UGT2B17: variants seen among roughly 807,000 people sequenced by gnomAD.
The protein encoded by UGT2B17 is UDP-glucuronosyltransferase 2B17.
UGT2B17 carries 21 observed loss-of-function variants against 48.2 expected under a neutral mutation model. The observed-to-expected ratio is 0.44, with a 90% confidence interval of 0.31 to 0.63. The LOEUF (loss-of-function observed/expected upper bound fraction) is 0.63, where lower values mean the gene tolerates loss of function less well. Among genes scored for constraint, UGT2B17 ranks in the 20% least tolerant of loss-of-function variants. The pLI is 0.08. For synonymous variants in UGT2B17, 146 were observed against 238.4 expected (o/e 0.61, Z 3.57); for missense variants, 402 against 696.1 (o/e 0.58, Z 4.75).
chr4:68,566,445 G>C (rs1731203488), intron 2 of UGT2B17, among the ~76,000 whole-genome samples: 1 of 120,124 alleles, frequency 8.3e-6, no homozygotes, highest in African/African-American at 2.9e-5. Flanking sequence ...GTCGAGGGAG[G>C]GACCCAGTGG....
At chr4:68,571,048 G>A (rs1731289801) in intron 1 of UGT2B17, among the ~76,000 whole-genome samples, 1 of 125,700 alleles carries the variant, frequency 8.0e-6, no homozygotes, top group Non-Finnish European at 1.7e-5. Context: ...GGGCAAGAAC[G>A]GTCAAGGCTT....
In UGT2B17 at chr4:68,568,602, C is replaced by T. The variant is rs115452862; in HGVS notation, c.-64-54G>A. The T allele has an allele frequency of 7.8e-3, 8,817 of 1,136,350 alleles. 1,988 individuals are homozygous for T. In the African/African-American group the frequency reaches 0.13, roughly 17 times the overall value. 70.4% of individuals were successfully genotyped at this position (1,136,350 alleles called of 1,614,324 possible). On this transcript the variant is annotated intron_variant, in intron 1 of 6. Transcript: ENST00000317746. Reference sequence around the variant, plus strand: ...TAACTGCTAAAATTTGAGTTGACCTCATATTTATTTTAGTGTGTTTGGTGT... The same window carrying T: ...TAACTGCTAAAATTTGAGTTGACCTTATATTTATTTTAGTGTGTTTGGTGT...
At position 68,546,666 on chromosome 4, in the gene UGT2B17, T is replaced by A. The variant is rs1332514342; in HGVS notation, c.1313+4011A>T. On this transcript the variant is annotated intron_variant, in intron 6 of 6. Coordinates refer to ENST00000317746, the MANE Select transcript of UGT2B17 (RefSeq NM_001077.4). ...TGTTTGCAGAAGACATGATTGTATATCTAGAAAACCTGATCGTCTGAGCCC... is the reference window on the plus strand; with the variant it reads ...TGTTTGCAGAAGACATGATTGTATAACTAGAAAACCTGATCGTCTGAGCCC... Among the ~76,000 whole-genome samples the A allele has an allele frequency of 3.2e-5, 4 of 125,252 alleles. 1 individual carries two copies. The highest frequency in any genetic ancestry group is 5.1e-5 in the Non-Finnish European group (3 of 59,244). The allele number at this position is 125,252 out of a possible 152,430, so 82.2% of individuals were successfully genotyped here. A position where few individuals can be genotyped will look rare whatever the true frequency, so the allele number is the denominator to read the frequency against.
intron 6 of UGT2B17, among the ~76,000 whole-genome samples, chr4:68,549,145 TAA>T (rs112572532): frequency 0.057 from 7,104 of 124,418 alleles, 1,683 homozygotes; most frequent in African/African-American, 0.17. Flanking sequence ...AATTTTTTGG[TAA>T]AGTGTTTTTA....
chr4:68,554,408 A>G lies in UGT2B17; in HGVS notation c.1006-2497T>C, dbSNP rs1730966600. ...TAAGAGCCCTAAGGTTGTCCTACAA[A>G]CTGTAGAGTTCCTAAGTTCTCTCTT... On this transcript the variant is annotated intron_variant, in intron 4 of 6. Transcript: ENST00000317746. Among the ~76,000 whole-genome samples the G allele has an allele frequency of 1.6e-5, 2 of 125,892 alleles. 1 individual carries two copies. The highest frequency in any genetic ancestry group is 1.5e-3 in the East Asian group (2 of 1,318). The allele number at this position is 125,892 out of a possible 152,430, so 82.6% of individuals were successfully genotyped here.
rs1275471809 is a variant in UGT2B17, at chr4:68,569,623, G to T, written c.-64-1075C>A. On this transcript the variant is annotated intron_variant, in intron 1 of 6. Transcript: ENST00000317746. ...CTCAGGCCCAGTCCCAAGATGCAAGGCTGCTTGCATCAGCAGCGTGTGTCA... is the reference window on the plus strand; with the variant it reads ...CTCAGGCCCAGTCCCAAGATGCAAGTCTGCTTGCATCAGCAGCGTGTGTCA... Among the ~76,000 whole-genome samples the T allele has an allele frequency of 1.5e-4, 19 of 125,046 alleles. 4 individuals carry two copies. The highest frequency in any genetic ancestry group is 5.2e-4 in the African/African-American group (19 of 36,468). 82.0% of individuals were successfully genotyped at this position (125,046 alleles called of 152,430 possible).
At position 68,548,453 on chromosome 4, in the gene UGT2B17, A is replaced by G. The variant is rs1366493521; in HGVS notation, c.1313+2224T>C. Among the ~76,000 whole-genome samples, 2 of 124,954 alleles carry G rather than the reference A, an allele frequency of 1.6e-5. 1 individual carries two copies. Among genetic ancestry groups the G allele is most frequent in the Admixed American group, 1.7e-4 (2 of 12,044 alleles). 82.0% of individuals were successfully genotyped at this position (124,954 alleles called of 152,430 possible). A position where few individuals can be genotyped will look rare whatever the true frequency, so the allele number is the denominator to read the frequency against. On this transcript the variant is annotated intron_variant, in intron 6 of 6. Coordinates refer to ENST00000317746, the MANE Select transcript of UGT2B17 (RefSeq NM_001077.4). Reference sequence around the variant, plus strand: ...GGTAGCGGGAGTGGGGAGGGATAGCATTAGGAGATACACTTAATGTTAAAT... The same window carrying G: ...GGTAGCGGGAGTGGGGAGGGATAGCGTTAGGAGATACACTTAATGTTAAAT...
rs1731213174 is a variant in UGT2B17, at chr4:68,567,037, C to A, written c.724+724G>T. Among the ~76,000 whole-genome samples the A allele has an allele frequency of 1.6e-5, 2 of 123,484 alleles. 1 individual carries two copies. The highest frequency in any genetic ancestry group is 7.5e-3 in the Middle Eastern group (2 of 266). 81.0% of individuals were successfully genotyped at this position (123,484 alleles called of 152,430 possible). ...TAGATTTTTAAAATAAATATATTTA[C>A]AAATGAGAATTAAAAATTTTTCAGA... is the stretch of plus-strand genomic sequence containing the variant. On this transcript the variant is annotated intron_variant, in intron 2 of 6. Transcript: ENST00000317746.
At chr4:68,565,134 C>A (rs570428713) in intron 3 of UGT2B17, among the ~76,000 whole-genome samples, 1 of 126,238 alleles carries the variant, frequency 7.9e-6, no homozygotes, top group East Asian at 7.7e-4. Flanking sequence ...TCATTGTGGT[C>A]TTTCCTTATA....
At chr4:68,554,213 C>T (rs1266114456) in intron 4 of UGT2B17, among the ~76,000 whole-genome samples, 2 of 123,800 alleles carry the variant, frequency 1.6e-5, no homozygotes, top group Non-Finnish European at 3.4e-5. Flanking sequence ...AAACCCTAGG[C>T]CACAGCTCAG....
At position 68,569,677 on chromosome 4, in the gene UGT2B17, G is replaced by A. The variant is rs771210716; in HGVS notation, c.-64-1129C>T. 4.8e-5 allele frequency among the ~76,000 whole-genome samples: 6 copies of A among 125,648 alleles called. 1 individual carries two copies. The highest frequency in any genetic ancestry group is 8.4e-5 in the Non-Finnish European group (5 of 59,248). 82.4% of individuals were successfully genotyped at this position (125,648 alleles called of 152,430 possible). On this transcript the variant is annotated intron_variant, in intron 1 of 6. Coordinates refer to ENST00000317746, the MANE Select transcript of UGT2B17 (RefSeq NM_001077.4). The stretch of plus-strand genomic sequence containing the variant: ...AGATAGCAGAAGCAGGAAGAGAGCC[G>A]GCCAGAAGACACCTACCCTGGCTGG...
At chr4:68,573,114 C>T (rs1377081510) in intron 1 of UGT2B17, among the ~76,000 whole-genome samples, 1 of 127,194 alleles carries the variant, frequency 7.9e-6, no homozygotes, top group African/African-American at 2.7e-5. Context: ...CATGGGGAGA[C>T]TTTATGTTTA....
chr4:68,540,981 C>T (rs1298717188), intron 6 of UGT2B17, among the ~76,000 whole-genome samples: 3 of 125,462 alleles, frequency 2.4e-5, no homozygotes, highest in Non-Finnish European at 3.4e-5. Context: ...AATCTCATTC[C>T]TTTTTATGGC....
chr4:68,553,021 C>A (rs1386489468), intron 4 of UGT2B17, among the ~76,000 whole-genome samples: 1 of 124,734 alleles, frequency 8.0e-6, no homozygotes, highest in Non-Finnish European at 1.7e-5. Context: ...GAAACCCATC[C>A]GTAGGTAAAT....
rs1251086249 is a variant in UGT2B17, at chr4:68,565,955, A to T, written c.725-235T>A. Among the ~76,000 whole-genome samples, 4 of 118,836 alleles carry T rather than the reference A, an allele frequency of 3.4e-5. 2 individuals are homozygous for T. The highest frequency in any genetic ancestry group is 6.9e-5 in the Non-Finnish European group (4 of 58,028). The allele number at this position is 118,836 out of a possible 152,430, so 78.0% of individuals were successfully genotyped here. A position where few individuals can be genotyped will look rare whatever the true frequency, so the allele number is the denominator to read the frequency against. The stretch of plus-strand genomic sequence containing the variant: ...AATATTAAATACATTATATTAAATT[A>T]ATGTATTTAATATATGTTAATATAT... On this transcript the variant is annotated intron_variant, in intron 2 of 6. Coordinates refer to ENST00000317746, the MANE Select transcript of UGT2B17 (RefSeq NM_001077.4).
chr4:68,575,043 G>C (rs1361197576), intron 1 of UGT2B17, among the ~76,000 whole-genome samples: 2 of 120,412 alleles, frequency 1.7e-5, no homozygotes, highest in Non-Finnish European at 3.4e-5. Flanking sequence ...CACAAGATTA[G>C]AAGTTACCAT....
intron 4 of UGT2B17, among the ~76,000 whole-genome samples, chr4:68,552,895 G>GT (rs1730941449): frequency 8.2e-6 from 1 of 121,840 alleles, no homozygotes; most frequent in Admixed American, 8.5e-5. Context: ...AATATTTCCT[G>GT]TTTCCATGAC....
rs1432501212 is a variant in UGT2B17 at position 68,568,242 on chromosome 4, T to A, written c.243A>T (p.Leu81Phe). ...AAAAATCTTCCAAATCATTTTTAGTTAAAGATGTAGGATAAACTTCTAATT... is the reference window on the plus strand; with the variant it reads ...AAAAATCTTCCAAATCATTTTTAGTAAAAGATGTAGGATAAACTTCTAATT... ...AIKLEVYPTS[L>F]TKNDLEDFFM... The change falls in exon 2 of 7, where the codon TTA becomes TTT. Residue 81 changes from leucine to phenylalanine, a missense_variant. Coordinates refer to ENST00000317746, the MANE Select transcript of UGT2B17 (RefSeq NM_001077.4). 10 of 1,375,304 alleles carry A rather than the reference T, an allele frequency of 7.3e-6. 2 individuals are homozygous for A. The highest frequency in any genetic ancestry group is 9.5e-6 in the Non-Finnish European group (10 of 1,053,740). The allele number at this position is 1,375,304 out of a possible 1,614,324, so 85.2% of individuals were successfully genotyped here. A position where few individuals can be genotyped will look rare whatever the true frequency, so the allele number is the denominator to read the frequency against.
chr4:68,537,418 T>A lies in UGT2B17; in HGVS notation c.*207A>T, dbSNP rs751862835. The A allele has an allele frequency of 3.7e-5, 15 of 407,162 alleles. 2 individuals are homozygous for A. The highest frequency in any genetic ancestry group is 5.4e-5 in the Non-Finnish European group (15 of 279,178). The allele number at this position is 407,162 out of a possible 1,614,324, so 25.2% of individuals were successfully genotyped here. On this transcript the variant is annotated 3_prime_UTR_variant, in exon 7 of 7. Coordinates refer to ENST00000317746, the MANE Select transcript of UGT2B17 (RefSeq NM_001077.4). ...AGCCCATAAGGTTTTATATTATTAT[T>A]TTTCATAGCTTAAAAATCATTGACA...
Sources: gnomAD v4.1 joint callset for allele counts (sites outside exome capture counted in the v4.1 genomes callset) on GRCh38, gnomAD v4.1.1 for gene constraint, MANE v1.5 for transcripts, NCBI Gene and HGNC (gene_info 2026-07-23, HGNC 2026-07-21) for gene names.